Variants in CAMK1D observed in about 807,000 individuals in gnomAD.
The protein encoded by CAMK1D is calcium/calmodulin dependent protein kinase ID, also known as calcium/calmodulin-dependent protein kinase type 1D.
CAMK1D carries 9 observed loss-of-function variants against 47.7 expected under a neutral mutation model. The ratio of observed to expected loss-of-function variants is 0.19; its 90% CI spans 0.11 to 0.33. CAMK1D has a LOEUF of 0.33. CAMK1D is among the 10% of genes least tolerant of loss of function. CAMK1D has a pLI of 1.00. For missense variants in CAMK1D, 291 were observed against 488.7 expected (o/e 0.60, Z 3.81); for synonymous variants, 184 against 184.9 (o/e 0.99, Z 0.04).
At chr10:12,690,320 G>A (rs1282388467) in intron 3 of CAMK1D, among the ~76,000 whole-genome samples, 2 of 152,192 alleles carry the variant, frequency 1.3e-5, no homozygotes, top group Non-Finnish European at 2.9e-5. Flanking sequence ...CATGAGATTT[G>A]TGGAGGAAGA....
chr10:12,528,241 A>G (rs1040709246), intron 1 of CAMK1D, among the ~76,000 whole-genome samples: 1 of 152,246 alleles, frequency 6.6e-6, no homozygotes, highest in South Asian at 2.1e-4. Context: ...CAATTATACA[A>G]TAAGAAGAAG....
At chr10:12,366,652 A>G (rs1225827372) in intron 1 of CAMK1D, among the ~76,000 whole-genome samples, 1 of 151,614 alleles carries the variant, frequency 6.6e-6, no homozygotes. Context: ...CAGCGAGACT[A>G]TGTCTTAAAA....
At chr10:12,497,241 G>A (rs1834567488) in intron 1 of CAMK1D, among the ~76,000 whole-genome samples, 1 of 152,096 alleles carries the variant, frequency 6.6e-6, no homozygotes, top group African/African-American at 2.4e-5. Context: ...CACTTTGGGA[G>A]GCCGAAGCCG....
At chr10:12,816,836 CACTCCAGCTTGGGCAACAAGAGCAAA>C in intron 8 of CAMK1D, among the ~76,000 whole-genome samples, 1 of 142,592 alleles carries the variant, frequency 7.0e-6, no homozygotes, top group Non-Finnish European at 1.5e-5. Context: ...CGCACCATTG[CACTCCAGCTTGGGCAACAAGAGCAAA>C]ACTCTGTCTC....
At chr10:12,609,934 G>T (rs201770724) in intron 2 of CAMK1D, among the ~76,000 whole-genome samples, 2 of 152,328 alleles carry the variant, frequency 1.3e-5, no homozygotes, top group South Asian at 4.1e-4. Context: ...ACTAAAAATT[G>T]TCCCTTGGAT....
Position 12,832,046 on chromosome 10 carries a change from C to G in CAMK1D, c.*3159C>G, listed in dbSNP as rs535103208. On this transcript the variant is annotated 3_prime_UTR_variant, in exon 11 of 11. Transcript: ENST00000619168. ...ACGCGTAGACCCCATCACAGGCTTC[C>G]TTCCTGAGCCCAAGTCCCCCATTTG... The G allele has an allele frequency of 6.6e-6, 1 of 152,424 alleles. No homozygotes were observed. Among genetic ancestry groups the G allele is most frequent in the African/African-American group, 2.4e-5 (1 of 41,572 alleles). The allele number at this position is 152,424 out of a possible 1,614,324, so 9.4% of individuals were successfully genotyped here. A position where few individuals can be genotyped will look rare whatever the true frequency, so the allele number is the denominator to read the frequency against.
intron 3 of CAMK1D, among the ~76,000 whole-genome samples, chr10:12,691,667 G>A (rs1450019050): frequency 6.6e-6 from 1 of 151,388 alleles, no homozygotes; most frequent in East Asian, 1.9e-4. Flanking sequence ...TGGCTAGGCT[G>A]GTCTTGAACT....
chr10:12,505,896 C>A (rs1277349473), intron 1 of CAMK1D, among the ~76,000 whole-genome samples: 2 of 152,150 alleles, frequency 1.3e-5, no homozygotes, highest in Admixed American at 1.3e-4. Context: ...TGTTCCAGTC[C>A]TCCGCACATC....
chr10:12,643,461 TC>T (rs530356598), intron 2 of CAMK1D, among the ~76,000 whole-genome samples: 8 of 152,176 alleles, frequency 5.3e-5, no homozygotes, highest in Admixed American at 1.3e-4. Context: ...TTACAGCTGC[TC>T]CCCATCCATC....
chr10:12,707,770 G>C (rs1833782704), intron 3 of CAMK1D, among the ~76,000 whole-genome samples: 1 of 152,196 alleles, frequency 6.6e-6, no homozygotes. Context: ...AAGAACACCA[G>C]GGGGCCTCGC....
intron 1 of CAMK1D, among the ~76,000 whole-genome samples, chr10:12,523,915 T>A (rs527590355): frequency 3.2e-4 from 49 of 151,748 alleles, no homozygotes; most frequent in Admixed American, 2.0e-3. Flanking sequence ...TTATTTATTT[T>A]TTTGAGATGG....
At chr10:12,624,995 T>TTCCTCCTCCTCC (rs57078350) in intron 2 of CAMK1D, among the ~76,000 whole-genome samples, 7 of 148,398 alleles carry the variant, frequency 4.7e-5, no homozygotes, top group Admixed American at 6.7e-5. Context: ...TTCCTCCTCT[T>TTCCTCCTCCTCC]TCCTCCTCCT....
intron 3 of CAMK1D, among the ~76,000 whole-genome samples, chr10:12,721,848 A>G (rs1834390674): frequency 6.6e-6 from 1 of 152,186 alleles, no homozygotes; most frequent in African/African-American, 2.4e-5. Context: ...CAGGTGTCAG[A>G]ATTACCACTG....
chr10:12,603,356 A>G (rs990667246), intron 2 of CAMK1D, among the ~76,000 whole-genome samples: 3 of 151,992 alleles, frequency 2.0e-5, no homozygotes, highest in African/African-American at 7.3e-5. Context: ...AGGAACCTGG[A>G]CCTCCTTCCA....
chr10:12,551,344 C>T (rs1836570602), intron 1 of CAMK1D, among the ~76,000 whole-genome samples: 2 of 152,174 alleles, frequency 1.3e-5, no homozygotes, highest in South Asian at 4.1e-4. Context: ...TCACTGTGTC[C>T]CATCACCCCC....
At chr10:12,600,298 C>T (rs1167708275) in intron 2 of CAMK1D, among the ~76,000 whole-genome samples, 1 of 152,192 alleles carries the variant, frequency 6.6e-6, no homozygotes, top group Non-Finnish European at 1.5e-5. Flanking sequence ...CCTTTGAGAC[C>T]TCCTCAACTC....
intron 1 of CAMK1D, among the ~76,000 whole-genome samples, chr10:12,367,526 A>C (rs1000743314): frequency 2.0e-5 from 3 of 152,122 alleles, no homozygotes; most frequent in Middle Eastern, 3.4e-3. Context: ...AATATAATGA[A>C]ATAATTCTAC....
intron 1 of CAMK1D, among the ~76,000 whole-genome samples, chr10:12,551,492 C>A (rs1319176933): frequency 6.6e-6 from 1 of 152,158 alleles, no homozygotes; most frequent in African/African-American, 2.4e-5. Flanking sequence ...TGGTGGTTCA[C>A]ACCTATAATC....
intron 2 of CAMK1D, among the ~76,000 whole-genome samples, chr10:12,614,864 T>TG (rs1318030390): frequency 6.6e-6 from 1 of 152,178 alleles, no homozygotes; most frequent in East Asian, 1.9e-4. Flanking sequence ...AGCTATTGTG[T>TG]TAGAAACTGC....
Sources: allele counts gnomAD v4.1 joint callset (sites outside exome capture counted in the v4.1 genomes callset), GRCh38; gene constraint gnomAD v4.1.1; transcripts MANE v1.5; gene names NCBI Gene and HGNC (gene_info 2026-07-23, HGNC 2026-07-21).